The following GC variants were observed in gnomAD, a reference collection of about 807,000 sequenced individuals.
The protein encoded by GC is GC vitamin D binding protein.
Under a neutral mutation model 56.7 loss-of-function variants are expected in GC, and 43 were observed. The ratio of observed to expected loss-of-function variants is 0.76; its 90% CI spans 0.59 to 0.98. GC has a LOEUF of 0.98. Ranked by LOEUF, GC falls within the 50% of genes least tolerant of loss-of-function variation. The pLI is 0.00. For missense variants in GC, 529 were observed against 545.9 expected, an observed-to-expected ratio of 0.97 and a Z score of 0.31; for synonymous variants, 216 against 202.7, an observed-to-expected ratio of 1.07 and a Z score of -0.56.
intron 1 of GC, among the ~76,000 whole-genome samples, chr4:71,796,045 T>C (rs13148277): frequency 0.69 from 105,448 of 152,100 alleles, 39,035 homozygotes; most frequent in South Asian, 0.83. Flanking sequence ...GTGATGGTTT[T>C]CCATTTGTGG....
chr4:71,745,777 C>T (rs1383534608), intron 12 of GC, among the ~76,000 whole-genome samples: 1 of 152,110 alleles, frequency 6.6e-6, no homozygotes, highest in African/African-American at 2.4e-5. Flanking sequence ...CCCTTTCCTC[C>T]TAAGGTCCTT....
chr4:71,792,665 T>C (rs1216748632), intron 1 of GC, among the ~76,000 whole-genome samples: 1 of 152,224 alleles, frequency 6.6e-6, no homozygotes. Flanking sequence ...TTTAATTTAA[T>C]TGGATCCCAT....
chr4:71,745,464 G>A (rs1343881862), intron 12 of GC, among the ~76,000 whole-genome samples: 2 of 152,078 alleles, frequency 1.3e-5, no homozygotes, highest in African/African-American at 4.8e-5. Flanking sequence ...CAAAATAAAC[G>A]TTGACATTAT....
chr4:71,801,000 TA>T (rs59650476), intron 1 of GC, among the ~76,000 whole-genome samples: 18,189 of 152,124 alleles, frequency 0.12, 1,520 homozygotes, highest in African/African-American at 0.23. Context: ...TTATCAAAAT[TA>T]AAACTTTATG....
Position 71,765,554 on chromosome 4 carries a change from C to T in GC, c.351G>A (p.Leu117=). 2 of 1,613,690 alleles carry T rather than the reference C, an allele frequency of 1.2e-6. No homozygotes were observed. The highest frequency in any genetic ancestry group is 1.7e-6 in the Non-Finnish European group (2 of 1,179,752). The part of the protein sequence containing the change: ...GTAECCTKEG[L]ERKLCMAALK... ...GAGCAGCCATGCAGAGCTTTCGTTC[C>T]AGGCCCTCTTTGGTGCAGCACTCAG... The change falls in exon 4 of 13, where the codon CTG becomes CTA. Residue 117 remains leucine, a synonymous_variant. Coordinates refer to ENST00000273951, the MANE Select transcript of GC (RefSeq NM_000583.4).
At position 71,763,248 on chromosome 4, in the gene GC, A is replaced by G. The variant is rs553745782; in HGVS notation, c.701+160T>C. On this transcript the variant is annotated intron_variant, in intron 6 of 12. Coordinates refer to ENST00000273951, the MANE Select transcript of GC (RefSeq NM_000583.4). ...CTTATTTTTCATAATCTGTATAGAG[A>G]AAAGAAAACGAGAATTTGGCCAGAT... 1.3e-3 allele frequency among the ~76,000 whole-genome samples: 204 copies of G among 151,818 alleles called. 1 individual carries two copies. Among genetic ancestry groups the G allele is most frequent in the African/African-American group, 4.8e-3 (199 of 41,124 alleles).
At chr4:71,754,301 G>C (rs1225590261) in intron 10 of GC, 110 bp downstream of exon 10, 1 of 622,892 alleles carries the variant, frequency 1.6e-6, no homozygotes, top group African/African-American at 1.9e-5. Context: ...ACCTCCTTTT[G>C]TTGTTGTTCA....
intron 11 of GC, among the ~76,000 whole-genome samples, chr4:71,751,113 TA>T (rs1379243821): frequency 6.6e-6 from 1 of 152,060 alleles, no homozygotes; most frequent in South Asian, 2.1e-4. Context: ...TTGACTCTTC[TA>T]AAAAAATGAA....
At chr4:71,778,217 A>G (rs997386920) in intron 1 of GC, among the ~76,000 whole-genome samples, 6 of 151,884 alleles carry the variant, frequency 4.0e-5, no homozygotes, top group Non-Finnish European at 5.9e-5. Flanking sequence ...ACAATTTGTT[A>G]AATGTAAACA....
In GC at chr4:71,794,553, C is replaced by T. The variant is rs540583949; in HGVS notation, c.21+9373G>A. Among the ~76,000 whole-genome samples, 114 of 152,002 alleles carry T rather than the reference C, an allele frequency of 7.5e-4. 1 individual carries two copies. The South Asian group carries it at 8.1e-3, about 11-fold the overall frequency. ...CTATTTGATTCTTCTCTCTTTTCTTCTTTATTAGTCTAGCTAGTGGTCTAT... is the reference window on the plus strand; with the variant it reads ...CTATTTGATTCTTCTCTCTTTTCTTTTTTATTAGTCTAGCTAGTGGTCTAT... On this transcript the variant is annotated intron_variant, in intron 1 of 13. Transcript: ENST00000504199.
Position 71,746,168 on chromosome 4 carries a change from C to A in GC, c.*8G>T, listed in dbSNP as rs764540894. ...ATACTTACCAAAGTTAATAAACATG[C>A]TTCAGGACTACAGGATATTCTTCAA... On this transcript the variant is annotated 3_prime_UTR_variant, in exon 12 of 13. Transcript: ENST00000273951. The A allele has an allele frequency of 7.8e-7, 1 of 1,288,162 alleles. No individual in the cohort carries two copies. The highest frequency in any genetic ancestry group is 1.1e-6 in the Non-Finnish European group (1 of 887,676). 79.8% of individuals were successfully genotyped at this position (1,288,162 alleles called of 1,614,324 possible). A position where few individuals can be genotyped will look rare whatever the true frequency, so the allele number is the denominator to read the frequency against.
chr4:71,786,160 C>G (rs1347674617), upstream of GC: 2 of 151,840 alleles, frequency 1.3e-5, no homozygotes, highest in Admixed American at 1.3e-4. Context: ...TGAGAAATCT[C>G]TATACGAGCT....
At chr4:71,747,230 G>A (rs1218760695) in intron 11 of GC, among the ~76,000 whole-genome samples, 1 of 152,124 alleles carries the variant, frequency 6.6e-6, no homozygotes, top group African/African-American at 2.4e-5. Flanking sequence ...AAGATATTGG[G>A]GGAGAAGAGA....
chr4:71,756,621 G>A (rs1741779911), intron 8 of GC, 91 bp downstream of exon 8: 2 of 779,136 alleles, frequency 2.6e-6, no homozygotes, highest in South Asian at 1.5e-5. Context: ...TGAAATGAGT[G>A]ATAGCATACC....
intron 4 of GC, 130 bp downstream of exon 4, chr4:71,765,302 G>C: frequency 1.4e-6 from 1 of 721,058 alleles, no homozygotes; most frequent in East Asian, 2.5e-5. Context: ...GGCTGTCTCA[G>C]ATGACAGTCA....
intron 1 of GC, among the ~76,000 whole-genome samples, chr4:71,776,482 T>C (rs1742512577): frequency 6.6e-6 from 1 of 151,796 alleles, no homozygotes; most frequent in Admixed American, 6.6e-5. Flanking sequence ...AAATGATGGC[T>C]ACTAGAGGCT....
intron 1 of GC, among the ~76,000 whole-genome samples, chr4:71,781,279 A>C (rs1742670413): frequency 6.6e-6 from 1 of 152,008 alleles, no homozygotes; most frequent in South Asian, 2.1e-4. Flanking sequence ...AGAAATACCT[A>C]ATGTAAATGA....
At chr4:71,788,687 G>GAC (rs1742900736), upstream of GC, among the ~76,000 whole-genome samples, 1 of 146,682 alleles carries the variant, frequency 6.8e-6, no homozygotes, top group African/African-American at 2.5e-5. Flanking sequence ...AGAAAAGAAA[G>GAC]AGAAAAAAAG....
intron 1 of GC, among the ~76,000 whole-genome samples, chr4:71,798,739 T>A (rs889296106): frequency 3.3e-5 from 5 of 152,144 alleles, no homozygotes; most frequent in African/African-American, 1.2e-4. Flanking sequence ...CTTTCCAGAG[T>A]CTTAGCTGGA....
Sources: gnomAD v4.1 joint callset for allele counts (sites outside exome capture counted in the v4.1 genomes callset) on GRCh38, gnomAD v4.1.1 for gene constraint, MANE v1.5 for transcripts, NCBI Gene and HGNC (gene_info 2026-07-23, HGNC 2026-07-21) for gene names.